IL7: variants seen among roughly 807,000 people sequenced by gnomAD.
IL7 encodes interleukin-7.
IL7 carries 3 observed loss-of-function variants against 21.6 expected under a neutral mutation model. The observed-to-expected ratio is 0.14, with a 90% confidence interval of 0.06 to 0.36. The LOEUF (loss-of-function observed/expected upper bound fraction) is 0.36. IL7 is among the 10% of genes least tolerant of loss of function. The probability of loss-of-function intolerance (pLI) is 1.00; values close to 1 mark genes in which losing one functional copy is unlikely to be tolerated. For missense variants in IL7, 175 were observed against 200.2 expected (o/e 0.87, Z 0.76); for synonymous variants, 62 against 68.1 (o/e 0.91, Z 0.44).
chr8:78,737,461 A>AG (rs1194897231), intron 4 of IL7, among the ~76,000 whole-genome samples: 2 of 152,112 alleles, frequency 1.3e-5, no homozygotes, highest in African/African-American at 4.8e-5. Flanking sequence ...TCCAATTTAT[A>AG]GAAAAAAAAA....
chr8:78,744,989 T>C (rs972549551), intron 2 of IL7, among the ~76,000 whole-genome samples: 5 of 152,198 alleles, frequency 3.3e-5, no homozygotes, highest in Non-Finnish European at 5.9e-5. Context: ...TCAAGTTGTT[T>C]CCTTGATTAG....
chr8:78,686,731 A>C, intron 3 of IL7: 5 of 1,083,376 alleles, frequency 4.6e-6, no homozygotes, highest in Non-Finnish European at 6.0e-6. Flanking sequence ...TAATCTTTAA[A>C]ATTTGGTGTA....
chr8:78,741,461 G>A (rs968617865), intron 2 of IL7, among the ~76,000 whole-genome samples: 8 of 152,094 alleles, frequency 5.3e-5, no homozygotes, highest in Non-Finnish European at 1.2e-4. Context: ...CTTCAAAAAA[G>A]AAGGTGAAAC....
At chr8:78,772,201 C>T (rs1377255934) in intron 2 of IL7, among the ~76,000 whole-genome samples, 1 of 152,074 alleles carries the variant, frequency 6.6e-6, no homozygotes, top group Non-Finnish European at 1.5e-5. Context: ...TTTTCTATTA[C>T]CCGAATTTGT....
Position 78,765,076 on chromosome 8 carries a change from G to C in IL7, c.148-24994C>G, listed in dbSNP as rs142557269. Among the ~76,000 whole-genome samples, 55 of 152,162 alleles carry C rather than the reference G, an allele frequency of 3.6e-4. 1 individual carries two copies. The East Asian group carries it at 9.6e-3, about 27-fold the overall frequency. On this transcript the variant is annotated intron_variant, in intron 2 of 5. Transcript: ENST00000263851. ...ACAAACGGGCAAAGGCAATAAAATGGAGCAGTCTCTTTTCAACAAATGGTG... is the reference window on the plus strand; with the variant it reads ...ACAAACGGGCAAAGGCAATAAAATGCAGCAGTCTCTTTTCAACAAATGGTG...
At chr8:78,762,285 G>A (rs912760657) in intron 2 of IL7, 26 of 1,584,894 alleles carry the variant, frequency 1.6e-5, no homozygotes, top group Middle Eastern at 1.9e-4. Context: ...AGCTGATCAG[G>A]TGTTTTATCT....
chr8:78,768,816 C>T (rs534199978), intron 2 of IL7, among the ~76,000 whole-genome samples: 22 of 152,242 alleles, frequency 1.4e-4, no homozygotes, highest in African/African-American at 4.1e-4. Context: ...TCCAGCAGCA[C>T]GTCAAGAAGC....
At position 78,783,886 on chromosome 8, in the gene IL7, A is replaced by G. The variant is rs111944962; in HGVS notation, c.147+14186T>C. 7.6e-3 allele frequency among the ~76,000 whole-genome samples: 1,160 copies of G among 152,288 alleles called. 18 individuals are homozygous for G. The highest frequency in any genetic ancestry group is 0.026 in the African/African-American group (1,072 of 41,562). The stretch of plus-strand genomic sequence containing the variant: ...GTATGATAAACCAAACTGTCAGAAG[A>G]GAGTGTTCTGTTTTGAGAGCATAAC... On this transcript the variant is annotated intron_variant, in intron 2 of 5. Transcript: ENST00000263851.
At chr8:78,716,951 A>G (rs1811125920), downstream of IL7, among the ~76,000 whole-genome samples, 1 of 152,052 alleles carries the variant, frequency 6.6e-6, no homozygotes, top group South Asian at 2.1e-4. Context: ...GCCTTCTGCT[A>G]TGAATAAGTT....
At chr8:78,742,872 C>G (rs1811841255) in intron 2 of IL7, among the ~76,000 whole-genome samples, 1 of 151,980 alleles carries the variant, frequency 6.6e-6, no homozygotes, top group Admixed American at 6.6e-5. Flanking sequence ...TGATCCTCTC[C>G]CTCTTCCTAC....
chr8:78,705,758 G>A (rs1476209407), intron 3 of IL7, among the ~76,000 whole-genome samples: 5 of 152,136 alleles, frequency 3.3e-5, no homozygotes, highest in African/African-American at 4.8e-5. Flanking sequence ...AATCTCTGTA[G>A]GCCAGAGAAC....
intron 3 of IL7, among the ~76,000 whole-genome samples, chr8:78,727,706 A>G (rs1471154330): frequency 3.3e-5 from 5 of 151,996 alleles, no homozygotes; most frequent in Non-Finnish European, 5.9e-5. Flanking sequence ...CAATATGTCT[A>G]TTATTTTTAT....
At chr8:78,699,212 A>G (rs1382734972) in intron 3 of IL7, among the ~76,000 whole-genome samples, 1 of 152,062 alleles carries the variant, frequency 6.6e-6, no homozygotes, top group Non-Finnish European at 1.5e-5. Context: ...ATCCTTTTTT[A>G]TATTTTTCTA....
downstream of IL7, chr8:78,717,500 T>C (rs754984633): frequency 9.1e-6 from 13 of 1,430,656 alleles, no homozygotes; most frequent in Non-Finnish European, 1.2e-5. Context: ...ATGAATAGAA[T>C]CTCAAAAAAA....
intron 3 of IL7, among the ~76,000 whole-genome samples, chr8:78,695,341 A>G (rs1474372795): frequency 6.6e-6 from 1 of 152,206 alleles, no homozygotes; most frequent in Admixed American, 6.5e-5. Flanking sequence ...TTAAGTTGTT[A>G]ATAATTCCTA....
intron 2 of IL7, among the ~76,000 whole-genome samples, chr8:78,775,805 AAGT>A (rs1344612013): frequency 1.3e-5 from 2 of 152,066 alleles, no homozygotes; most frequent in Non-Finnish European, 2.9e-5. Flanking sequence ...GGGCGCTTAG[AAGT>A]AAGCGTAAGG....
At chr8:78,783,272 G>A (rs1377296521) in intron 2 of IL7, among the ~76,000 whole-genome samples, 1 of 152,154 alleles carries the variant, frequency 6.6e-6, no homozygotes, top group Non-Finnish European at 1.5e-5. Flanking sequence ...TTTGCAGGTT[G>A]CACCCATCCA....
intron 2 of IL7, among the ~76,000 whole-genome samples, chr8:78,764,863 G>A (rs1001106035): frequency 1.6e-4 from 24 of 151,990 alleles, no homozygotes; most frequent in African/African-American, 5.6e-4. Flanking sequence ...AAAAGACCCA[G>A]GAGAGTAAAT....
intron 4 of IL7, among the ~76,000 whole-genome samples, chr8:78,676,927 CAT>C (rs1387297979): frequency 6.6e-6 from 1 of 152,008 alleles, no homozygotes; most frequent in Non-Finnish European, 1.5e-5. Flanking sequence ...ATACACTTGA[CAT>C]ATATAACTTA....
Sources: allele counts gnomAD v4.1 joint callset (sites outside exome capture counted in the v4.1 genomes callset), GRCh38; gene constraint gnomAD v4.1.1; transcripts MANE v1.5; gene names NCBI Gene and HGNC (gene_info 2026-07-23, HGNC 2026-07-21).